Variants in EPHA3 observed in about 807,000 individuals in gnomAD.
EPHA3 encodes ephrin type-A receptor 3.
A neutral mutation model predicts 107.1 loss-of-function variants in EPHA3; 42 were observed. The ratio of observed to expected loss-of-function variants is 0.39; its 90% CI spans 0.31 to 0.51. EPHA3 has a LOEUF of 0.51. Among genes scored for constraint, EPHA3 ranks in the 20% least tolerant of loss-of-function variants. The pLI, the probability that EPHA3 is intolerant of heterozygous loss-of-function variation, is 0.78. For missense variants in EPHA3, 1,183 were observed against 1,211.2 expected (o/e 0.98, Z 0.35); for synonymous variants, 461 against 424.8 (o/e 1.09, Z -1.05).
At chr3:89,457,127 C>G (rs1350544163) in intron 15 of EPHA3, among the ~76,000 whole-genome samples, 1 of 152,070 alleles carries the variant, frequency 6.6e-6, no homozygotes, top group East Asian at 1.9e-4. Flanking sequence ...ATTGAAATTT[C>G]TACAGGTAGG....
In EPHA3 at chr3:89,437,175, A is replaced by C. The variant is rs140417531; in HGVS notation, c.2346+5816A>C. Among the ~76,000 whole-genome samples the C allele has an allele frequency of 9.7e-3, 1,475 of 152,246 alleles. 27 individuals carry two copies. The highest frequency in any genetic ancestry group is 0.034 in the African/African-American group (1,411 of 41,536). ...GACAGATTGAAAGCCACTGTTATAG[A>C]TACTTTACTAGGAAAAAAGTCCCTT... On this transcript the variant is annotated intron_variant, in intron 13 of 16. Transcript: ENST00000336596.
intron 3 of EPHA3, among the ~76,000 whole-genome samples, chr3:89,307,851 C>A (rs1706663928): frequency 6.6e-6 from 1 of 152,098 alleles, no homozygotes; most frequent in Non-Finnish European, 1.5e-5. Context: ...CTGTTCCAGG[C>A]CTAGATCATC....
At chr3:89,230,640 G>T (rs562098079) in intron 3 of EPHA3, among the ~76,000 whole-genome samples, 5 of 152,098 alleles carry the variant, frequency 3.3e-5, no homozygotes, top group African/African-American at 1.2e-4. Flanking sequence ...AGTTGTTTGT[G>T]TTTCGGGCAG....
intron 5 of EPHA3, among the ~76,000 whole-genome samples, chr3:89,346,938 C>T (rs1408382008): frequency 4.1e-5 from 6 of 146,592 alleles, no homozygotes; most frequent in Admixed American, 6.8e-5. Flanking sequence ...AGGTACGCGG[C>T]GTTATTTCTG....
At chr3:89,471,656 G>A (rs1369036597) in intron 15 of EPHA3, among the ~76,000 whole-genome samples, 15 of 152,028 alleles carry the variant, frequency 9.9e-5, no homozygotes, top group African/African-American at 2.4e-5. Flanking sequence ...GAGCCACTGC[G>A]CCCGGCCCTT....
chr3:89,121,231 G>A (rs1406998843), intron 1 of EPHA3, among the ~76,000 whole-genome samples: 2 of 148,768 alleles, frequency 1.3e-5, no homozygotes, highest in African/African-American at 5.0e-5. Flanking sequence ...GCGAGACTCC[G>A]TCTCAAAAAA....
intron 9 of EPHA3, among the ~76,000 whole-genome samples, chr3:89,409,300 T>A (rs1709112926): frequency 6.6e-6 from 1 of 152,066 alleles, no homozygotes; most frequent in African/African-American, 2.4e-5. Context: ...CTTGTCTTTC[T>A]TTTTCTCAAT....
chr3:89,421,679 A>C (rs1559690156), intron 11 of EPHA3, among the ~76,000 whole-genome samples: 3 of 151,286 alleles, frequency 2.0e-5, no homozygotes, highest in Non-Finnish European at 4.4e-5. Flanking sequence ...TGAATTATGA[A>C]AGCTACTCCT....
chr3:89,221,409 C>T (rs1343973634), intron 3 of EPHA3, among the ~76,000 whole-genome samples: 1 of 152,122 alleles, frequency 6.6e-6, no homozygotes. Flanking sequence ...TACGTGTCTT[C>T]CTGTATCTGA....
chr3:89,244,519 T>G (rs2107251383), intron 3 of EPHA3, among the ~76,000 whole-genome samples: 1 of 152,266 alleles, frequency 6.6e-6, no homozygotes, highest in African/African-American at 2.4e-5. Flanking sequence ...AGCCAATGTA[T>G]TTATATTATT....
intron 2 of EPHA3, among the ~76,000 whole-genome samples, chr3:89,163,746 A>G (rs893836697): frequency 6.6e-6 from 1 of 152,156 alleles, no homozygotes; most frequent in African/African-American, 2.4e-5. Flanking sequence ...GCAGGTATAA[A>G]TGGAACACTC....
chr3:89,260,035 T>C (rs1474460771), intron 3 of EPHA3, among the ~76,000 whole-genome samples: 1 of 152,144 alleles, frequency 6.6e-6, no homozygotes, highest in Admixed American at 6.5e-5. Flanking sequence ...TGCCTCTGGA[T>C]GTGTGTGTGT....
intron 15 of EPHA3, among the ~76,000 whole-genome samples, chr3:89,471,631 T>A (rs1414252329): frequency 1.3e-5 from 2 of 152,138 alleles, no homozygotes. Flanking sequence ...CCCAAAGTGC[T>A]GGGATTACAG....
intron 9 of EPHA3, among the ~76,000 whole-genome samples, chr3:89,409,393 G>T (rs1709114887): frequency 1.3e-5 from 2 of 151,884 alleles, no homozygotes; most frequent in African/African-American, 4.8e-5. Context: ...CCCTCAATTT[G>T]ACTTGGACAA....
Position 89,186,209 on chromosome 3 carries a change from C to T in EPHA3, c.154-23651C>T. Among the ~76,000 whole-genome samples, 7 of 152,048 alleles carry T rather than the reference C, an allele frequency of 4.6e-5. 1 individual carries two copies. In the South Asian group the frequency reaches 1.5e-3, roughly 32 times the overall value. ...ATATAGACTTCTTTTGGTAAAATTT[C>T]ACTGCATTATCATGATATATTAATC... On this transcript the variant is annotated intron_variant, in intron 2 of 16. Transcript: ENST00000336596.
At position 89,255,067 on chromosome 3, in the gene EPHA3, T is replaced by C. The variant is rs28703874; in HGVS notation, c.814+44547T>C. Among the ~76,000 whole-genome samples, 636 of 152,274 alleles carry C rather than the reference T, an allele frequency of 4.2e-3. 6 individuals are homozygous for C. Among genetic ancestry groups the C allele is most frequent in the African/African-American group, 0.015 (618 of 41,582 alleles). ...AAATTTAACAAATAACTTCCTTTCA[T>C]AAAAAAAGTTTATGTAAAATAACTT... On this transcript the variant is annotated intron_variant, in intron 3 of 16. Transcript: ENST00000336596.
At position 89,341,876 on chromosome 3, in the gene EPHA3, A is replaced by AAAATGTGGG; in HGVS notation, c.1093_1101dup (p.Lys365_Gly367dup). 1 of 1,613,882 alleles carries AAAATGTGGG rather than the reference A, an allele frequency of 6.2e-7. No homozygotes were observed. Among genetic ancestry groups the AAAATGTGGG allele is most frequent in the Non-Finnish European group, 8.5e-7 (1 of 1,179,998 alleles). ...ATGTTACCTTCAACATCATATGTAA[A>AAAATGTGGG]AAATGTGGGTGGAATATAAAACAGT... On this transcript the variant is annotated inframe_insertion, in exon 5 of 17. Coordinates refer to ENST00000336596, the MANE Select transcript of EPHA3 (RefSeq NM_005233.6).
Position 89,481,751 on chromosome 3 carries a change from G to A in EPHA3, c.*2249G>A, listed in dbSNP as rs528186426. 6 of 231,666 alleles carry A rather than the reference G, an allele frequency of 2.6e-5. No homozygotes were observed. In the South Asian group the frequency reaches 5.4e-4, roughly 21 times the overall value. 14.4% of individuals were successfully genotyped at this position (231,666 alleles called of 1,614,324 possible). ...TGTACATATGTAAACATAAGTGTAC[G>A]ATTCTTAACCATGGAGTAGAGGTAC... is the stretch of plus-strand genomic sequence containing the variant. On this transcript the variant is annotated 3_prime_UTR_variant, in exon 17 of 17. Transcript: ENST00000336596.
intron 3 of EPHA3, among the ~76,000 whole-genome samples, chr3:89,314,175 C>A (rs567720836): frequency 6.6e-6 from 1 of 151,912 alleles, no homozygotes; most frequent in South Asian, 2.1e-4. Context: ...ATCATATAGT[C>A]AAATTTCAAA....
Sources: gnomAD v4.1 joint callset for allele counts (sites outside exome capture counted in the v4.1 genomes callset) on GRCh38, gnomAD v4.1.1 for gene constraint, MANE v1.5 for transcripts, NCBI Gene and HGNC (gene_info 2026-07-23, HGNC 2026-07-21) for gene names.